PTPN5: variants seen among roughly 807,000 people sequenced by gnomAD.
PTPN5 encodes the protein tyrosine-protein phosphatase non-receptor type 5.
In PTPN5, 29 loss-of-function variants were observed where a neutral mutation model predicts 73.9. The ratio of observed to expected loss-of-function variants is 0.39; its 90% CI spans 0.29 to 0.54. The LOEUF (loss-of-function observed/expected upper bound fraction) is 0.54, where lower values mean the gene tolerates loss of function less well. PTPN5 is among the 20% of genes least tolerant of loss of function. PTPN5 has a pLI of 0.65. For missense variants in PTPN5, 652 were observed against 751.4 expected (o/e 0.87, Z 1.55); for synonymous variants, 267 against 304.7 (o/e 0.88, Z 1.29).
At chr11:18,744,358 C>T in intron 3 of PTPN5, 159 bp from the exon 4 acceptor site, 1 of 501,484 alleles carries the variant, frequency 2.0e-6, no homozygotes, top group Middle Eastern at 5.2e-4. Flanking sequence ...CAATATTCAC[C>T]TACCTTCGTC....
At chr11:18,790,826 C>T (rs1305897900) in intron 1 of PTPN5, among the ~76,000 whole-genome samples, 1 of 152,112 alleles carries the variant, frequency 6.6e-6, no homozygotes, top group Non-Finnish European at 1.5e-5. Flanking sequence ...TGACCTTGGT[C>T]CGCCACCTTA....
intron 1 of PTPN5, among the ~76,000 whole-genome samples, chr11:18,779,973 G>C (rs559447357): frequency 1.3e-5 from 2 of 152,284 alleles, no homozygotes; most frequent in East Asian, 3.9e-4. Flanking sequence ...CTGTACATAG[G>C]GAGAGCTTGG....
chr11:18,765,202 C>T (rs1410762847), intron 3 of PTPN5, among the ~76,000 whole-genome samples: 1 of 152,162 alleles, frequency 6.6e-6, no homozygotes, highest in Non-Finnish European at 1.5e-5. Context: ...CCCCCCACCC[C>T]TTCTTTTTCT....
chr11:18,743,114 G>A (rs1378558823), intron 5 of PTPN5, 39 bp from the exon 6 acceptor site: 6 of 1,424,506 alleles, frequency 4.2e-6, no homozygotes, highest in Non-Finnish European at 4.8e-6. Flanking sequence ...GTGGTGGTGG[G>A]GGCAGAGTTC....
rs969636381 is a variant in PTPN5, at chr11:18,749,454, G to A, written c.98-5255C>T. On this transcript the variant is annotated intron_variant, in intron 3 of 14. Coordinates refer to ENST00000358540, the MANE Select transcript of PTPN5 (RefSeq NM_006906.2). ...CTCAGTAAAGGGTCACTGCAGCAAG[G>A]CAGGGAGGTCCTATGTCTGGGGTCG... 6 of 516,980 alleles carry A rather than the reference G, an allele frequency of 1.2e-5. No homozygotes were observed. The African/African-American group carries it at 1.2e-4, about 10-fold the overall frequency. 32.0% of individuals were successfully genotyped at this position (516,980 alleles called of 1,614,324 possible). A position where few individuals can be genotyped will look rare whatever the true frequency, so the allele number is the denominator to read the frequency against.
chr11:18,792,007 T>G (rs1345807181), upstream of PTPN5: 1 of 152,302 alleles, frequency 6.6e-6, no homozygotes, highest in Admixed American at 6.5e-5. Flanking sequence ...CGAGCAACTC[T>G]GCGCGGAGTC....
At chr11:18,747,295 C>A (rs1019831911) in intron 3 of PTPN5, among the ~76,000 whole-genome samples, 5 of 152,058 alleles carry the variant, frequency 3.3e-5, no homozygotes, top group Admixed American at 3.3e-4. Context: ...GGACTACAGG[C>A]ACAAGCCACT....
At chr11:18,791,081 G>T (rs72884509) in intron 1 of PTPN5, among the ~76,000 whole-genome samples, 2 of 152,202 alleles carry the variant, frequency 1.3e-5, no homozygotes, top group East Asian at 3.9e-4. Context: ...AAGCTAAAGG[G>T]TCGGTGGAGG....
rs370907826 is a variant in PTPN5, at chr11:18,770,864, G to A, written c.20+1075C>T. Among the ~76,000 whole-genome samples, 17 of 152,312 alleles carry A rather than the reference G, an allele frequency of 1.1e-4. No homozygotes were observed. In the East Asian group the frequency reaches 3.1e-3, roughly 28 times the overall value. ...CTAGAAGTTCACGGCCAGTGCAGAA[G>A]ATACAGAACAGCTGCTGCCGTGGGC... On this transcript the variant is annotated intron_variant, in intron 2 of 14. Transcript: ENST00000358540.
intron 3 of PTPN5, among the ~76,000 whole-genome samples, chr11:18,748,542 T>C (rs988167665): frequency 2.0e-5 from 3 of 152,174 alleles, no homozygotes; most frequent in African/African-American, 7.2e-5. Context: ...AATCTGACTT[T>C]TTTTTAATCC....
At chr11:18,763,409 C>T (rs1850489679) in intron 3 of PTPN5, among the ~76,000 whole-genome samples, 1 of 152,180 alleles carries the variant, frequency 6.6e-6, no homozygotes, top group African/African-American at 2.4e-5. Flanking sequence ...GCTAAGTGAC[C>T]TTGGACAGAC....
At chr11:18,755,979 G>C (rs1206562262) in intron 3 of PTPN5, among the ~76,000 whole-genome samples, 1 of 148,178 alleles carries the variant, frequency 6.7e-6, no homozygotes, top group Non-Finnish European at 1.5e-5. Flanking sequence ...ACTCCAGCCT[G>C]GGCGACAGAG....
upstream of PTPN5, chr11:18,791,919 C>G (rs1402537477): frequency 6.6e-6 from 1 of 152,180 alleles, no homozygotes; most frequent in Admixed American, 6.5e-5. Context: ...ACCGGGAGAG[C>G]GGCCTGCTCC....
intron 7 of PTPN5, among the ~76,000 whole-genome samples, chr11:18,741,705 G>A (rs1343400653): frequency 6.6e-6 from 1 of 152,098 alleles, no homozygotes; most frequent in Non-Finnish European, 1.5e-5. Flanking sequence ...ATAGAAACTG[G>A]GGACTACTAG....
At chr11:18,741,764 C>T (rs1849375904) in intron 7 of PTPN5, among the ~76,000 whole-genome samples, 1 of 152,120 alleles carries the variant, frequency 6.6e-6, no homozygotes, top group Non-Finnish European at 1.5e-5. Flanking sequence ...AACTGCTGGG[C>T]ACTACGCTCA....
intron 3 of PTPN5, among the ~76,000 whole-genome samples, chr11:18,750,088 C>T (rs942645508): frequency 2.7e-4 from 41 of 152,184 alleles, no homozygotes; most frequent in African/African-American, 9.9e-4. Flanking sequence ...GATGGAGAAA[C>T]AGGCCCAGAG....
chr11:18,728,940 T>C lies in PTPN5; in HGVS notation c.1692A>G (p.Pro564=). 1 of 1,613,028 alleles carries C rather than the reference T, an allele frequency of 6.2e-7. No individual in the cohort carries two copies. The highest frequency in any genetic ancestry group is 8.5e-7 in the Non-Finnish European group (1 of 1,179,602). The change falls in exon 15 of 15, where the codon CCA becomes CCG. Residue 564 remains proline (P), a synonymous_variant. Coordinates refer to ENST00000358540, the MANE Select transcript of PTPN5 (RefSeq NM_006906.2). This position sits in a 1 kb window ranked among gnomAD's most constrained non-coding sequence, Gnocchi z 4.1. ...CCTTGTAGGAGAAGCGCAGTCATTCTGGGGACTGGTGGGACAGCTGCTTTT... is the reference window on the plus strand; with the variant it reads ...CCTTGTAGGAGAAGCGCAGTCATTCCGGGGACTGGTGGGACAGCTGCTTTT... ...LYEKQLSHQS[P]E is the part of the protein sequence containing the mutation.
chr11:18,746,591 AATT>A (rs1849653163), intron 3 of PTPN5, among the ~76,000 whole-genome samples: 1 of 12,886 alleles, frequency 7.8e-5, no homozygotes, highest in Non-Finnish European at 2.5e-4. Context: ...GCTAACACAT[AATT>A]AATTCTTGTC....
chr11:18,740,127 G>A (rs1302544012), intron 8 of PTPN5, among the ~76,000 whole-genome samples: 1 of 152,226 alleles, frequency 6.6e-6, no homozygotes, highest in Admixed American at 6.5e-5. Context: ...GGCAGCTGGA[G>A]GCTGCTGCAG....
Sources: gnomAD v4.1 joint callset for allele counts (sites outside exome capture counted in the v4.1 genomes callset) on GRCh38, gnomAD v4.1.1 for gene constraint, Gnocchi (gnomAD v3.1) non-coding constraint, MANE v1.5 for transcripts, NCBI Gene and HGNC (gene_info 2026-07-23, HGNC 2026-07-21) for gene names.